Variants in ATF7IP2 observed in about 807,000 individuals in gnomAD.
ATF7IP2 encodes the protein activating transcription factor 7 interacting protein 2.
Under a neutral mutation model 64.2 loss-of-function variants are expected in ATF7IP2, and 42 were observed. That is an observed-to-expected ratio of 0.65 (90% CI 0.51 to 0.85). The LOEUF (loss-of-function observed/expected upper bound fraction) is 0.85. Among genes scored for constraint, ATF7IP2 ranks in the 40% least tolerant of loss-of-function variants. The pLI is 0.00. For missense variants in ATF7IP2, 933 were observed against 784.2 expected (o/e 1.19, Z -2.27); for synonymous variants, 308 against 272.8 (o/e 1.13, Z -1.27).
chr16:10,402,298 A>G (rs2083951), intron 1 of ATF7IP2, among the ~76,000 whole-genome samples: 85,173 of 152,006 alleles, frequency 0.56, 23,926 homozygotes, highest in East Asian at 0.69. Context: ...CATTTGTCTC[A>G]AATGTTCTTA....
chr16:10,436,391 C>T (rs1596505744), intron 6 of ATF7IP2, among the ~76,000 whole-genome samples: 2 of 149,854 alleles, frequency 1.3e-5, no homozygotes, highest in South Asian at 2.1e-4. Context: ...GTTACTGAGC[C>T]TTTTTTTTTT....
At chr16:10,474,863 A>G (rs2049945052) in intron 12 of ATF7IP2, among the ~76,000 whole-genome samples, 1 of 152,212 alleles carries the variant, frequency 6.6e-6, no homozygotes, top group Non-Finnish European at 1.5e-5. Context: ...GACTTCATTA[A>G]AAGGTTGGGG....
At chr16:10,420,140 A>G (rs1485372164) in intron 3 of ATF7IP2, among the ~76,000 whole-genome samples, 3 of 152,202 alleles carry the variant, frequency 2.0e-5, no homozygotes, top group Non-Finnish European at 4.4e-5. Context: ...TTAATATTCC[A>G]TACAGAGAAA....
At chr16:10,399,120 A>G (rs1404175760) in intron 1 of ATF7IP2, among the ~76,000 whole-genome samples, 2 of 151,988 alleles carry the variant, frequency 1.3e-5, no homozygotes, top group Admixed American at 1.3e-4. Context: ...ACTAAAAGAA[A>G]AAAAAAGATC....
Position 10,473,909 on chromosome 16 carries a change from T to TTTTTTTTA in ATF7IP2, c.1483-14_1483-13insTTTTTTTA. 15 of 1,409,272 alleles carry TTTTTTTTA rather than the reference T, an allele frequency of 1.1e-5. No individual in the cohort carries two copies. Among genetic ancestry groups the TTTTTTTTA allele is most frequent in the Non-Finnish European group, 1.3e-5 (14 of 1,044,906 alleles). The allele number at this position is 1,409,272 out of a possible 1,614,324, so 87.3% of individuals were successfully genotyped here. On this transcript the variant is annotated splice_polypyrimidine_tract_variant and intron_variant, in intron 11 of 13. Transcript: ENST00000562102. Reference sequence around the variant, plus strand: ...TGAGGCAAAGCTTTTTTTTTTTTTTTACAATTTTTTTAGGCTGTACAGAAG... The same window carrying TTTTTTTTA: ...TGAGGCAAAGCTTTTTTTTTTTTTTTTTTTTTTAACAATTTTTTTAGGCTGTACAGAAG...
chr16:10,477,673 A>T (rs1430088099), intron 12 of ATF7IP2, among the ~76,000 whole-genome samples: 1 of 151,604 alleles, frequency 6.6e-6, no homozygotes, highest in African/African-American at 2.4e-5. Context: ...AGAAGGAAAT[A>T]AAGGGTATTC....
rs767685356 is a variant in ATF7IP2, at chr16:10,431,038, A to C, written c.418A>C (p.Thr140Pro). 2.5e-6 allele frequency: 4 copies of C among 1,614,186 alleles called. 1 individual carries two copies. Among genetic ancestry groups the C allele is most frequent in the Middle Eastern group, 3.3e-4 (2 of 6,062 alleles). ...AGAAGAGGCAAAAGATTCACTGAAC[A>C]CTTCTGAAAACGATTCTGAGCATCA... ...FTEEAKDSLN[T>P]SENDSEHQTN... is the part of the protein sequence containing the mutation. Residue 140 changes from threonine (T) to proline (P), a missense_variant, in exon 5 of 14, where the codon ACT becomes CCT. Physicochemically the swap from Thr to Pro is conservative, Grantham distance 38. Coordinates refer to ENST00000562102, the MANE Select transcript of ATF7IP2 (RefSeq NM_001393719.1).
chr16:10,421,320 T>C (rs1226710780), intron 3 of ATF7IP2, among the ~76,000 whole-genome samples: 1 of 152,212 alleles, frequency 6.6e-6, no homozygotes, highest in Non-Finnish European at 1.5e-5. Context: ...TCTGGATCTT[T>C]TCTACTTATT....
intron 2 of ATF7IP2, among the ~76,000 whole-genome samples, chr16:10,418,297 A>G (rs939996593): frequency 2.0e-5 from 3 of 152,178 alleles, no homozygotes; most frequent in African/African-American, 4.8e-5. Context: ...ATTCTGGTAA[A>G]CCAACAACCT....
At chr16:10,477,854 C>T (rs1488966085) in intron 12 of ATF7IP2, among the ~76,000 whole-genome samples, 4 of 151,458 alleles carry the variant, frequency 2.6e-5, no homozygotes, top group Non-Finnish European at 5.9e-5. Context: ...ACTTATACAC[C>T]AATAACAGAC....
At chr16:10,407,878 C>A (rs1467661243) in intron 1 of ATF7IP2, among the ~76,000 whole-genome samples, 1 of 151,786 alleles carries the variant, frequency 6.6e-6, no homozygotes, top group Non-Finnish European at 1.5e-5. Flanking sequence ...TGAGAACATG[C>A]AATGTTTGGT....
At chr16:10,399,442 A>G (rs901855365) in intron 1 of ATF7IP2, among the ~76,000 whole-genome samples, 2 of 152,204 alleles carry the variant, frequency 1.3e-5, no homozygotes, top group Admixed American at 6.5e-5. Context: ...ATTGAAAAGT[A>G]TGTGTCCTTT....
At chr16:10,445,427 T>C (rs2048767522) in intron 8 of ATF7IP2, 1 of 152,246 alleles carries the variant, frequency 6.6e-6, no homozygotes, top group Admixed American at 6.5e-5. Context: ...GGTTATTTCC[T>C]TGACTTTCAA....
chr16:10,415,851 GCTAC>G (rs1273418169), intron 2 of ATF7IP2, among the ~76,000 whole-genome samples: 3 of 152,192 alleles, frequency 2.0e-5, no homozygotes, highest in African/African-American at 7.2e-5. Context: ...CATGTGAATA[GCTAC>G]CTAATGTCAT....
At chr16:10,446,130 C>T (rs1007165249) in intron 8 of ATF7IP2, 2 of 152,216 alleles carry the variant, frequency 1.3e-5, no homozygotes, top group African/African-American at 4.8e-5. Flanking sequence ...TTCAGTTACT[C>T]AGCAAGAGCC....
chr16:10,425,676 C>A (rs1197065739), intron 3 of ATF7IP2, among the ~76,000 whole-genome samples: 1 of 151,970 alleles, frequency 6.6e-6, no homozygotes, highest in Non-Finnish European at 1.5e-5. Flanking sequence ...GGCACATCAC[C>A]TGAGGTTGGG....
chr16:10,393,342 A>G (rs2047365335), intron 1 of ATF7IP2, among the ~76,000 whole-genome samples: 1 of 138,986 alleles, frequency 7.2e-6, no homozygotes, highest in African/African-American at 2.7e-5. Context: ...AAAAAAAAAA[A>G]GACACCATTG....
intron 3 of ATF7IP2, among the ~76,000 whole-genome samples, chr16:10,423,011 G>A (rs749906847): frequency 1.7e-4 from 26 of 152,212 alleles, no homozygotes; most frequent in African/African-American, 4.8e-4. Flanking sequence ...TTGGGAGGCC[G>A]AGGCAGGCAG....
chr16:10,416,446 G>C (rs2047879879), intron 2 of ATF7IP2, among the ~76,000 whole-genome samples: 5 of 152,120 alleles, frequency 3.3e-5, no homozygotes, highest in Admixed American at 3.3e-4. Context: ...CATAGGCTGG[G>C]AAAGGTATTT....
Sources: gnomAD v4.1 joint callset for allele counts (sites outside exome capture counted in the v4.1 genomes callset) on GRCh38, gnomAD v4.1.1 for gene constraint, MANE v1.5 for transcripts, NCBI Gene and HGNC (gene_info 2026-07-23, HGNC 2026-07-21) for gene names.